The following BTG3 variants were observed in gnomAD, a reference collection of about 807,000 sequenced individuals.
BTG3 encodes BTG anti-proliferation factor 3, also known as protein BTG3.
BTG3 carries 4 observed loss-of-function variants against 25.8 expected under a neutral mutation model. The observed-to-expected ratio is 0.16, with a 90% confidence interval of 0.08 to 0.36. The LOEUF is 0.36. Among genes scored for constraint, BTG3 ranks in the 10% least tolerant of loss-of-function variants. The pLI is 1.00. For missense variants in BTG3, 201 were observed against 304.9 expected (o/e 0.66, Z 2.54); for synonymous variants, 107 against 99.9 (o/e 1.07, Z -0.42).
intron 3 of BTG3, 116 bp downstream of exon 3, chr21:17,604,744 G>A: frequency 7.9e-7 from 1 of 1,266,076 alleles, no homozygotes. Flanking sequence ...ACATCTGAGA[G>A]AGTTAAACCA....
chr21:17,594,760 C>T (rs1326733741), intron 4 of BTG3, among the ~76,000 whole-genome samples: 2 of 151,732 alleles, frequency 1.3e-5, no homozygotes, highest in South Asian at 2.1e-4. Flanking sequence ...AATCAACTAC[C>T]GCATGTTCTC....
intron 3 of BTG3, chr21:17,604,114 T>C (rs1160205701): frequency 4.7e-6 from 6 of 1,279,220 alleles, no homozygotes; most frequent in Non-Finnish European, 6.1e-6. Context: ...ATTATAAAAA[T>C]AAAACCACGA....
chr21:17,612,461 C>T (rs1273971559), intron 1 of BTG3: 3 of 152,122 alleles, frequency 2.0e-5, no homozygotes, highest in East Asian at 1.9e-4. Context: ...GCGTCTTTTT[C>T]CTCAGGCGCC....
intron 3 of BTG3, among the ~76,000 whole-genome samples, chr21:17,600,649 T>C (rs2061560284): frequency 6.6e-6 from 1 of 151,930 alleles, no homozygotes. Context: ...GGTGAGACCC[T>C]GTCTCTCAAA....
chr21:17,594,838 T>A (rs990295024), intron 4 of BTG3, among the ~76,000 whole-genome samples: 1 of 151,960 alleles, frequency 6.6e-6, no homozygotes, highest in Non-Finnish European at 1.5e-5. Context: ...CATTGGAGTC[T>A]ATTTGAGAGG....
At position 17,593,815 on chromosome 21, in the gene BTG3, G is replaced by C; in HGVS notation, c.*278C>G. ...AATCGTCCACTTCTACAGTGTTCTC[G>C]TATCCAACAGAGTTGATGCACAATA... On this transcript the variant is annotated 3_prime_UTR_variant, in exon 5 of 5. Coordinates refer to ENST00000348354, the MANE Select transcript of BTG3 (RefSeq NM_006806.5). 2.8e-6 allele frequency: 1 copy of C among 352,134 alleles called. No homozygotes were observed. The highest frequency in any genetic ancestry group is 5.1e-6 in the Non-Finnish European group (1 of 196,444). The allele number at this position is 352,134 out of a possible 1,614,324, so 21.8% of individuals were successfully genotyped here.
chr21:17,610,288 T>C (rs191777342), intron 1 of BTG3, among the ~76,000 whole-genome samples: 1 of 152,216 alleles, frequency 6.6e-6, no homozygotes, highest in Non-Finnish European at 1.5e-5. Flanking sequence ...ACTAAAACCA[T>C]TGAACTGTAC....
chr21:17,595,284 G>C (rs2061489975), intron 4 of BTG3, among the ~76,000 whole-genome samples: 2 of 152,070 alleles, frequency 1.3e-5, no homozygotes, highest in Admixed American at 1.3e-4. Context: ...TCTCAAATCT[G>C]CATTTCTAAG....
rs111268387 is a variant in BTG3 at position 17,594,186 on chromosome 21, T to C, written c.666A>G (p.Pro222=). 1.2e-5 allele frequency: 19 copies of C among 1,613,292 alleles called. No individual in the cohort carries two copies. In the East Asian group the frequency reaches 2.5e-4, roughly 21 times the overall value. ...GYPNQGRKNK[P]YRPIPVTWVP... Reference sequence around the variant, plus strand: ...CCCATGTCACTGGAATTGGGCGATATGGTTTATTTTTTCTTCCCTGATTTG... The same window carrying C: ...CCCATGTCACTGGAATTGGGCGATACGGTTTATTTTTTCTTCCCTGATTTG... Residue 222 remains proline (P), a synonymous_variant, in exon 5 of 5, where the codon CCA becomes CCG. Transcript: ENST00000348354.
chr21:17,600,863 T>G (rs999588574), intron 3 of BTG3, among the ~76,000 whole-genome samples: 7 of 152,076 alleles, frequency 4.6e-5, no homozygotes, highest in Admixed American at 1.3e-4. Flanking sequence ...TTAGTTTACC[T>G]CATAAAAGTT....
rs545785364 is a variant in BTG3 at position 17,610,426 on chromosome 21, G to C, written c.-8-1274C>G. ...AGATACATTTATCCACAAGTTAAGA[G>C]ACACAAAAACTAGTGGATCTATCAG... On this transcript the variant is annotated intron_variant, in intron 1 of 4. Transcript: ENST00000348354. Among the ~76,000 whole-genome samples, 8 of 152,264 alleles carry C rather than the reference G, an allele frequency of 5.3e-5. 1 individual carries two copies. The South Asian group carries it at 1.7e-3, about 32-fold the overall frequency.
intron 2 of BTG3, among the ~76,000 whole-genome samples, chr21:17,607,928 T>C (rs2061666331): frequency 6.6e-6 from 1 of 152,206 alleles, no homozygotes; most frequent in African/African-American, 2.4e-5. Flanking sequence ...TTCTTTACTT[T>C]AAGCTGTAAA....
At chr21:17,612,027 T>G (rs1391116467) in intron 1 of BTG3, 1 of 151,942 alleles carries the variant, frequency 6.6e-6, no homozygotes, top group African/African-American at 2.4e-5. Flanking sequence ...GGGCTAAGAG[T>G]TGGACTTTCT....
intron 2 of BTG3, among the ~76,000 whole-genome samples, chr21:17,608,065 A>C (rs1331483887): frequency 6.6e-6 from 1 of 152,216 alleles, no homozygotes; most frequent in Non-Finnish European, 1.5e-5. Context: ...TGTAGACCTG[A>C]GTTCAAATCC....
intron 3 of BTG3, among the ~76,000 whole-genome samples, chr21:17,601,983 A>G (rs1350800861): frequency 2.6e-5 from 4 of 152,314 alleles, no homozygotes; most frequent in Admixed American, 6.5e-5. Context: ...CTATACTACT[A>G]TAACATTACA....
chr21:17,601,137 T>C lies in BTG3; in HGVS notation c.312-2313A>G, dbSNP rs1012119860. 2.7e-5 allele frequency among the ~76,000 whole-genome samples: 4 copies of C among 150,318 alleles called. No homozygotes were observed. The South Asian group carries it at 8.5e-4, about 32-fold the overall frequency. On this transcript the variant is annotated intron_variant, in intron 3 of 4. Coordinates refer to ENST00000348354, the MANE Select transcript of BTG3 (RefSeq NM_006806.5). Reference sequence around the variant, plus strand: ...GAGATCGCACCACTGCACTCCAGCCTGGGCGACAGAGTGAGACTCCGTCTC... The same window carrying C: ...GAGATCGCACCACTGCACTCCAGCCCGGGCGACAGAGTGAGACTCCGTCTC...
At chr21:17,608,898 A>G (rs2061682056) in intron 2 of BTG3, 74 bp downstream of exon 2, 1 of 1,435,176 alleles carries the variant, frequency 7.0e-7, no homozygotes, top group African/African-American at 1.4e-5. Flanking sequence ...TGGTCTGCAC[A>G]CCCTTCAATC....
chr21:17,593,923 G>T lies in BTG3; in HGVS notation c.*170C>A. ...TTCTCAAACTATATCAATATCTAAA[G>T]TGCATATATTTTTTAAGAAAGATTA... On this transcript the variant is annotated 3_prime_UTR_variant, in exon 5 of 5. Transcript: ENST00000348354. The T allele has an allele frequency of 1.2e-6, 1 of 850,754 alleles. No individual in the cohort carries two copies. Among genetic ancestry groups the T allele is most frequent in the Non-Finnish European group, 1.7e-6 (1 of 582,178 alleles). 52.7% of individuals were successfully genotyped at this position (850,754 alleles called of 1,614,324 possible).
In BTG3 at chr21:17,594,129, A is replaced by G; in HGVS notation, c.723T>C (p.Asn241=). 1 of 1,613,196 alleles carries G rather than the reference A, an allele frequency of 6.2e-7. No homozygotes were observed. The highest frequency in any genetic ancestry group is 1.1e-5 in the South Asian group (1 of 91,038). ...CTAACATGTGAGGATTAATCCAGTGATTCCGGTCACAATGCATTCCAGGAG... is the reference window on the plus strand; with the variant it reads ...CTAACATGTGAGGATTAATCCAGTGGTTCCGGTCACAATGCATTCCAGGAG... ...VPPPGMHCDR[N]HWINPHMLAP... The change falls in exon 5 of 5, where the codon AAT becomes AAC. Residue 241 remains asparagine (N), a synonymous_variant. Transcript: ENST00000348354.
Sources: gnomAD v4.1 joint callset for allele counts (sites outside exome capture counted in the v4.1 genomes callset) on GRCh38, gnomAD v4.1.1 for gene constraint, MANE v1.5 for transcripts, NCBI Gene and HGNC (gene_info 2026-07-23, HGNC 2026-07-21) for gene names.